The following CDKL5 variants were observed in gnomAD, a reference collection of about 807,000 sequenced individuals.
The protein encoded by CDKL5 is cyclin-dependent kinase-like 5.
Under a neutral mutation model 61.7 loss-of-function variants are expected in CDKL5, and 8 were observed. The ratio of observed to expected loss-of-function variants is 0.13; its 90% confidence interval spans 0.08 to 0.23. The LOEUF (loss-of-function observed/expected upper bound fraction) is 0.23, where lower values mean the gene tolerates loss of function less well. CDKL5 is among the 10% of genes least tolerant of loss of function. The pLI, the probability that CDKL5 is intolerant of heterozygous loss-of-function variation, is 1.00. For missense variants in CDKL5, 440 were observed against 734.5 expected (o/e 0.60, Z 4.63); for synonymous variants, 275 against 272.3 (o/e 1.01, Z -0.10).
chrX:18,457,318 A>G (rs779938165), intron 1 of CDKL5, among the ~76,000 whole-genome samples: 13 of 111,908 alleles, frequency 1.2e-4, no homozygotes, highest in Non-Finnish European at 2.4e-4. Context: ...TATTGTTCTA[A>G]GCACTGTGTA....
At chrX:18,612,759 C>G (rs1926596203) in intron 14 of CDKL5, among the ~76,000 whole-genome samples, 2 of 110,972 alleles carry the variant, frequency 1.8e-5, no homozygotes, top group Non-Finnish European at 3.8e-5. Context: ...TGTTAACTAA[C>G]CCTTGCAAAT....
chrX:18,438,088 C>T (rs1056519810), intron 1 of CDKL5, among the ~76,000 whole-genome samples: 2 of 111,021 alleles, frequency 1.8e-5, no homozygotes, highest in Non-Finnish European at 1.9e-5. Context: ...TTTTTTGAGA[C>T]GGAGTCTTGT....
At chrX:18,622,630 C>T (rs769129954) in intron 16 of CDKL5, among the ~76,000 whole-genome samples, 5 of 112,318 alleles carry the variant, frequency 4.5e-5, no homozygotes, top group Admixed American at 3.8e-4. Context: ...TACATAGAGA[C>T]GCATGACATG....
chrX:18,548,347 G>GAT (rs1338416223), intron 3 of CDKL5, among the ~76,000 whole-genome samples: 1 of 111,309 alleles, frequency 9.0e-6, no homozygotes, highest in Non-Finnish European at 1.9e-5. Context: ...ATGGGCTGCT[G>GAT]ATATATATCT....
chrX:18,628,415 G>C lies in CDKL5; in HGVS notation c.2541G>C (p.Ser847=). The C allele has an allele frequency of 8.3e-7, 1 of 1,211,303 alleles. No individual in the cohort carries two copies. Among genetic ancestry groups the C allele is most frequent in the Non-Finnish European group, 1.1e-6 (1 of 895,216 alleles). ...KSLRKLLHLS[S]ASNHPASSDP... The stretch of plus-strand genomic sequence containing the variant: ...TGCGCAAGTTGTTACATCTCTCTTC[G>C]GCCTCAAATCACCCGGCTTCCTCAG... The change falls in exon 18 of 18, where the codon TCG becomes TCC. Residue 847 remains serine (S), a synonymous_variant. Coordinates refer to ENST00000623535, the MANE Select transcript of CDKL5 (RefSeq NM_001323289.2).
chrX:18,645,878 C>T lies in CDKL5; in HGVS notation c.2714-129C>T. 5 of 1,077,960 alleles carry T rather than the reference C, an allele frequency of 4.6e-6. No individual in the cohort carries two copies. The South Asian group carries it at 7.9e-5, about 17-fold the overall frequency. The allele number at this position is 1,077,960 out of a possible 1,213,427, so 88.8% of individuals were successfully genotyped here. On this transcript the variant is annotated intron_variant, in intron 19 of 21. Transcript: ENST00000379989. ...TGGCATTTCCTAGTCTCCCTTGCAA[C>T]TAGATGGGGCCCCCTAACCAAACTC...
chrX:18,467,119 AACTT>A (rs1468064851), intron 1 of CDKL5, among the ~76,000 whole-genome samples: 1 of 111,400 alleles, frequency 9.0e-6, no homozygotes, highest in Non-Finnish European at 1.9e-5. Flanking sequence ...TGACAGCAGT[AACTT>A]ACTTAAGCAT....
intron 3 of CDKL5, among the ~76,000 whole-genome samples, chrX:18,518,385 CTTAT>C (rs1923108709): frequency 8.8e-5 from 2 of 22,792 alleles, no homozygotes; most frequent in African/African-American, 3.0e-4. Context: ...CTTTTCTTTT[CTTAT>C]TTTTTTTTTT....
At chrX:18,509,218 CA>C (rs1922725557) in intron 2 of CDKL5, among the ~76,000 whole-genome samples, 1 of 105,173 alleles carries the variant, frequency 9.5e-6, no homozygotes, top group Admixed American at 1.1e-4. Flanking sequence ...CACACACACA[CA>C]CACACACACA....
chrX:18,451,157 G>T (rs900609245), intron 1 of CDKL5, among the ~76,000 whole-genome samples: 9 of 111,546 alleles, frequency 8.1e-5, no homozygotes, highest in African/African-American at 1.3e-4. Context: ...TATAAGTTGT[G>T]TATTAAGCCC....
In CDKL5 at chrX:18,435,976, T is replaced by C. The variant is rs116246651; in HGVS notation, c.-163+10281T>C. ...ACCCTCACGCAGTCAAAAATCCAAGTATAACTTTTGACCCCCCCAAAAACT... is the reference window on the plus strand; with the variant it reads ...ACCCTCACGCAGTCAAAAATCCAAGCATAACTTTTGACCCCCCCAAAAACT... On this transcript the variant is annotated intron_variant, in intron 1 of 17. Transcript: ENST00000623535. Among the ~76,000 whole-genome samples the C allele has an allele frequency of 4.7e-3, 519 of 111,072 alleles. 5 individuals are homozygous for C. The highest frequency in any genetic ancestry group is 0.016 in the African/African-American group (501 of 30,581).
At chrX:18,647,414 C>A (rs1234938629) in intron 20 of CDKL5, 7 of 1,071,108 alleles carry the variant, frequency 6.5e-6, no homozygotes, top group Non-Finnish European at 9.1e-6. Context: ...AAAACAAACC[C>A]ATCTGCTTTG....
Position 18,460,556 on chromosome X carries a change from G to T in CDKL5, c.-163+34861G>T, listed in dbSNP as rs182311163. Among the ~76,000 whole-genome samples the T allele has an allele frequency of 4.4e-3, 482 of 110,420 alleles. 2 individuals carry two copies. The highest frequency in any genetic ancestry group is 0.042 in the Middle Eastern group (9 of 213). On this transcript the variant is annotated intron_variant, in intron 1 of 17. Coordinates refer to ENST00000623535, the MANE Select transcript of CDKL5 (RefSeq NM_001323289.2). ...CTCTCTTGCCCAGGCTGGGGTGCAG[G>T]GGTGTGATCTCAGCTCACTGCAGCC...
chrX:18,503,520 C>T (rs1922463326), intron 1 of CDKL5, among the ~76,000 whole-genome samples: 1 of 111,976 alleles, frequency 8.9e-6, no homozygotes, highest in Non-Finnish European at 1.9e-5. Flanking sequence ...TTTTCTATTT[C>T]TTACAAATGC....
At chrX:18,596,268 G>A (rs1289362242) in intron 10 of CDKL5, among the ~76,000 whole-genome samples, 1 of 110,771 alleles carries the variant, frequency 9.0e-6, no homozygotes, top group African/African-American at 3.3e-5. Context: ...TCAGAACTTT[G>A]CCGTGCTTTA....
chrX:18,505,416 C>G (rs147058688), intron 1 of CDKL5, among the ~76,000 whole-genome samples: 13 of 112,006 alleles, frequency 1.2e-4, no homozygotes, highest in African/African-American at 4.2e-4. Flanking sequence ...TTCTTCATAG[C>G]GAAAAAAGAA....
intron 11 of CDKL5, among the ~76,000 whole-genome samples, chrX:18,601,169 C>G (rs941147629): frequency 9.0e-6 from 1 of 111,495 alleles, no homozygotes; most frequent in Admixed American, 9.5e-5. Context: ...AATTTTTTCT[C>G]TCTAGGAGAG....
chrX:18,490,866 A>G (rs1255559652), intron 1 of CDKL5, among the ~76,000 whole-genome samples: 1 of 112,261 alleles, frequency 8.9e-6, no homozygotes, highest in Non-Finnish European at 1.9e-5. Flanking sequence ...AGTTTCTTCT[A>G]TATTTTAAAT....
chrX:18,645,193 G>GGT (rs1249877645), downstream of CDKL5, among the ~76,000 whole-genome samples: 1 of 111,873 alleles, frequency 8.9e-6, no homozygotes, highest in Non-Finnish European at 1.9e-5. Flanking sequence ...ACCTATAGTA[G>GGT]TTCCCCCCGC....
Sources: gnomAD v4.1 joint callset for allele counts (sites outside exome capture counted in the v4.1 genomes callset) on GRCh38, gnomAD v4.1.1 for gene constraint, MANE v1.5 for transcripts, NCBI Gene and HGNC (gene_info 2026-07-23, HGNC 2026-07-21) for gene names.